KIAA0930: variants seen among roughly 807,000 people sequenced by gnomAD.
The protein encoded by KIAA0930 is KIAA0930, also known as uncharacterized protein KIAA0930.
In KIAA0930, 24 loss-of-function variants were observed where a neutral mutation model predicts 43.9. The ratio of observed to expected loss-of-function variants is 0.55; its 90% confidence interval spans 0.40 to 0.77. The LOEUF (loss-of-function observed/expected upper bound fraction) is 0.77. Ranked by LOEUF, KIAA0930 falls within the 30% of genes least tolerant of loss-of-function variation. The probability of loss-of-function intolerance (pLI) is 0.00; values close to 1 mark genes in which losing one functional copy is unlikely to be tolerated. For synonymous variants in KIAA0930, 259 were observed against 216.4 expected, an observed-to-expected ratio of 1.20 and a Z score of -1.73; for missense variants, 461 against 574.2, an observed-to-expected ratio of 0.80 and a Z score of 2.02.
rs1321658632 is a variant in KIAA0930, at chr22:45,192,991, T to C, written c.*4185A>G. 2 of 152,266 alleles carry C rather than the reference T, an allele frequency of 1.3e-5. No homozygotes were observed. The highest frequency in any genetic ancestry group is 2.1e-4 in the South Asian group (1 of 4,830). The allele number at this position is 152,266 out of a possible 1,614,324, so 9.4% of individuals were successfully genotyped here. A position where few individuals can be genotyped will look rare whatever the true frequency, so the allele number is the denominator to read the frequency against. On this transcript the variant is annotated 3_prime_UTR_variant, in exon 10 of 10. Transcript: ENST00000336156. ...TCATCTGCAGAGTCACGTGGCACTC[T>C]GGCCACTGCTGAAGAGCTGCTCTCC... is the stretch of plus-strand genomic sequence containing the variant.
In KIAA0930 at chr22:45,192,958, C is replaced by A. The variant is rs1466397903; in HGVS notation, c.*4218G>T. ...CCCAGCAGGTGCCCATCACCCGGCT[C>A]CCAGGGGTCATCTGCAGAGTCACGT... On this transcript the variant is annotated 3_prime_UTR_variant, in exon 10 of 10. Transcript: ENST00000336156. The A allele has an allele frequency of 6.6e-6, 1 of 152,276 alleles. No individual in the cohort carries two copies. Among genetic ancestry groups the A allele is most frequent in the Non-Finnish European group, 1.5e-5 (1 of 68,102 alleles). The allele number at this position is 152,276 out of a possible 1,614,324, so 9.4% of individuals were successfully genotyped here. A position where few individuals can be genotyped will look rare whatever the true frequency, so the allele number is the denominator to read the frequency against.
chr22:45,208,666 G>C (rs1475684625), intron 2 of KIAA0930, among the ~76,000 whole-genome samples: 1 of 152,202 alleles, frequency 6.6e-6, no homozygotes, highest in Admixed American at 6.5e-5. Context: ...TCTGGGGGCT[G>C]GTGAAACCAG....
chr22:45,211,260 G>A (rs187697134), intron 2 of KIAA0930: 12 of 395,988 alleles, frequency 3.0e-5, no homozygotes, highest in Middle Eastern at 6.3e-4. Context: ...AAACAAAAGC[G>A]TTTCCATGTC....
intron 1 of KIAA0930, among the ~76,000 whole-genome samples, chr22:45,230,976 T>G (rs922266668): frequency 2.6e-5 from 4 of 151,922 alleles, no homozygotes; most frequent in Middle Eastern, 3.2e-3. Context: ...CTGGGCACGG[T>G]GCCTCAACAT....
intron 1 of KIAA0930, among the ~76,000 whole-genome samples, chr22:45,234,319 G>A (rs555992277): frequency 3.4e-5 from 5 of 145,394 alleles, no homozygotes; most frequent in African/African-American, 9.8e-5. Flanking sequence ...CTTCCTGCTC[G>A]GGGAAGACAA....
rs1301600630 is a variant in KIAA0930, at chr22:45,194,015, T to C, written c.*3161A>G. 6.9e-6 allele frequency: 1 copy of C among 145,890 alleles called. No homozygotes were observed. The highest frequency in any genetic ancestry group is 1.5e-5 in the Non-Finnish European group (1 of 66,344). The allele number at this position is 145,890 out of a possible 1,614,324, so 9.0% of individuals were successfully genotyped here. ...ATCCCAAATCCCCTTGAGACCAACA[T>C]GCCTTAAAGGGGGTTTGGGTTTAAA... On this transcript the variant is annotated 3_prime_UTR_variant, in exon 10 of 10. Transcript: ENST00000336156.
intron 5 of KIAA0930, among the ~76,000 whole-genome samples, chr22:45,204,281 C>A (rs2083616277): frequency 6.6e-6 from 1 of 152,138 alleles, no homozygotes; most frequent in South Asian, 2.1e-4. Context: ...CCGTCTGGGC[C>A]CCTCCACACC....
intron 7 of KIAA0930, among the ~76,000 whole-genome samples, chr22:45,202,296 G>C (rs2147737543): frequency 6.6e-6 from 1 of 152,372 alleles, no homozygotes; most frequent in Non-Finnish European, 1.5e-5. Flanking sequence ...CCCACCAAAG[G>C]CTTCTGGGAA....
chr22:45,213,238 A>G lies in KIAA0930; in HGVS notation c.65-1131T>C, dbSNP rs992363357. 16 of 1,154,986 alleles carry G rather than the reference A, an allele frequency of 1.4e-5. No homozygotes were observed. The African/African-American group carries it at 1.6e-4, about 11-fold the overall frequency. The allele number at this position is 1,154,986 out of a possible 1,614,324, so 71.5% of individuals were successfully genotyped here. A position where few individuals can be genotyped will look rare whatever the true frequency, so the allele number is the denominator to read the frequency against. Reference sequence around the variant, plus strand: ...AACACTAACCAAAGAACCAGGACTCACAGCCAGCCCCAGCCCTCGGCCCTC... The same window carrying G: ...AACACTAACCAAAGAACCAGGACTCGCAGCCAGCCCCAGCCCTCGGCCCTC... On this transcript the variant is annotated intron_variant, in intron 1 of 9. Transcript: ENST00000336156.
At chr22:45,233,588 G>A (rs948314216) in intron 1 of KIAA0930, among the ~76,000 whole-genome samples, 1 of 152,044 alleles carries the variant, frequency 6.6e-6, no homozygotes, top group African/African-American at 2.4e-5. Flanking sequence ...CAGCCCGGGT[G>A]CCCACCCGGG....
At chr22:45,228,860 C>A (rs1193464298) in intron 1 of KIAA0930, among the ~76,000 whole-genome samples, 3 of 80,304 alleles carry the variant, frequency 3.7e-5, no homozygotes, top group Non-Finnish European at 5.1e-5. Context: ...CTTCACCCCC[C>A]AACCACCACT....
At chr22:45,202,033 G>C (rs185340532) in intron 7 of KIAA0930, among the ~76,000 whole-genome samples, 28 of 152,354 alleles carry the variant, frequency 1.8e-4, no homozygotes, top group Middle Eastern at 3.4e-3. Flanking sequence ...CCTGTTTCTA[G>C]ATGAGAAAAC....
chr22:45,193,364 G>A lies in KIAA0930; in HGVS notation c.*3812C>T, dbSNP rs2083507037. 1 of 152,168 alleles carries A rather than the reference G, an allele frequency of 6.6e-6. No homozygotes were observed. Among genetic ancestry groups the A allele is most frequent in the African/African-American group, 2.4e-5 (1 of 41,422 alleles). The allele number at this position is 152,168 out of a possible 1,614,324, so 9.4% of individuals were successfully genotyped here. On this transcript the variant is annotated 3_prime_UTR_variant, in exon 10 of 10. Coordinates refer to ENST00000336156, the MANE Select transcript of KIAA0930 (RefSeq NM_001009880.2). Reference sequence around the variant, plus strand: ...ACTTAAAACCACCATATTAGGACATGGTCCAGGCAGTCATTAGAATATACT... The same window carrying A: ...ACTTAAAACCACCATATTAGGACATAGTCCAGGCAGTCATTAGAATATACT...
At chr22:45,226,528 C>T (rs922409392) in intron 1 of KIAA0930, 6 of 332,058 alleles carry the variant, frequency 1.8e-5, no homozygotes, top group African/African-American at 6.5e-5. Context: ...CTGTGACCAC[C>T]GCACCTGCTG....
chr22:45,214,049 C>T (rs1020367912), intron 1 of KIAA0930, among the ~76,000 whole-genome samples: 5 of 151,776 alleles, frequency 3.3e-5, no homozygotes, highest in Middle Eastern at 3.4e-3. Flanking sequence ...TGGTGGCAGG[C>T]GCCTGTAGTC....
intron 5 of KIAA0930, among the ~76,000 whole-genome samples, 180 bp downstream of exon 5, chr22:45,205,037 A>C (rs1601811670): frequency 6.6e-6 from 1 of 152,134 alleles, no homozygotes; most frequent in South Asian, 2.1e-4. Flanking sequence ...TGCGCCGGGG[A>C]AATTCACCTG....
chr22:45,203,740 C>G, intron 6 of KIAA0930, 105 bp downstream of exon 6: 1 of 1,347,864 alleles, frequency 7.4e-7, no homozygotes, highest in Non-Finnish European at 1.0e-6. Flanking sequence ...GCGGCCGCTA[C>G]CATGCACAAG....
chr22:45,237,765 TTGA>T (rs2083895661), intron 1 of KIAA0930, among the ~76,000 whole-genome samples: 1 of 152,132 alleles, frequency 6.6e-6, no homozygotes, highest in Non-Finnish European at 1.5e-5. Context: ...CTTGAGAGTG[TTGA>T]TGATTCAGTG....
chr22:45,212,310 A>C (rs1263047759), intron 1 of KIAA0930: 1 of 1,612,830 alleles, frequency 6.2e-7, no homozygotes, highest in Non-Finnish European at 8.5e-7. Context: ...CAGGAGGCCC[A>C]GTTCCTCCAC....
Sources: allele counts gnomAD v4.1 joint callset (sites outside exome capture counted in the v4.1 genomes callset), GRCh38; gene constraint gnomAD v4.1.1; transcripts MANE v1.5; gene names NCBI Gene and HGNC (gene_info 2026-07-23, HGNC 2026-07-21).